Variants in DNAH8 observed in about 807,000 individuals in gnomAD.
DNAH8 encodes dynein axonemal heavy chain 8.
In DNAH8, 382 loss-of-function variants were observed where a neutral mutation model predicts 562.1. The ratio of observed to expected loss-of-function variants is 0.68; its 90% CI spans 0.63 to 0.74. The LOEUF is 0.74. Ranked by LOEUF, DNAH8 falls within the 30% of genes least tolerant of loss-of-function variation. DNAH8 has a pLI of 0.00. For synonymous variants in DNAH8, 1,881 were observed against 1,919.4 expected (o/e 0.98, Z 0.52); for missense variants, 5,203 against 5,620.4 (o/e 0.93, Z 2.37).
At chr6:38,845,031 T>C (rs1040920160) in intron 35 of DNAH8, among the ~76,000 whole-genome samples, 1 of 151,916 alleles carries the variant, frequency 6.6e-6, no homozygotes, top group Non-Finnish European at 1.5e-5. Flanking sequence ...GGGGAAAATA[T>C]GTTACTTTTA....
intron 8 of DNAH8, among the ~76,000 whole-genome samples, chr6:38,747,176 A>G (rs1000421066): frequency 1.8e-4 from 28 of 152,072 alleles, no homozygotes; most frequent in African/African-American, 6.8e-4. Context: ...TAATCCTCAC[A>G]TCAGCTGGAT....
chr6:38,834,228 A>G (rs201343104), intron 31 of DNAH8, among the ~76,000 whole-genome samples: 23 of 152,324 alleles, frequency 1.5e-4, no homozygotes, highest in East Asian at 9.6e-4. Context: ...CACACTCCAT[A>G]TAGAATGTAA....
At chr6:38,789,307 TA>T (rs1769476602) in intron 18 of DNAH8, among the ~76,000 whole-genome samples, 1 of 152,200 alleles carries the variant, frequency 6.6e-6, no homozygotes, top group Admixed American at 6.5e-5. Context: ...CACCACAGTG[TA>T]GTAAATTACA....
chr6:38,816,814 A>G (rs1000745956), intron 26 of DNAH8, among the ~76,000 whole-genome samples: 1 of 151,920 alleles, frequency 6.6e-6, no homozygotes, highest in Non-Finnish European at 1.5e-5. Flanking sequence ...TGTGGTTTTG[A>G]TTTGCATTTC....
intron 17 of DNAH8, among the ~76,000 whole-genome samples, chr6:38,783,866 A>G (rs1216315226): frequency 1.3e-5 from 2 of 152,168 alleles, no homozygotes; most frequent in East Asian, 1.9e-4. Context: ...GTCCCTTGGT[A>G]GAAAGGTTTC....
At chr6:39,029,359 T>C (rs916723073) in intron 92 of DNAH8, among the ~76,000 whole-genome samples, 1 of 152,094 alleles carries the variant, frequency 6.6e-6, no homozygotes, top group Admixed American at 6.5e-5. Flanking sequence ...TCCTGAGCAC[T>C]CCAGCCACAG....
At chr6:38,729,314 A>G (rs974236884) in intron 3 of DNAH8, among the ~76,000 whole-genome samples, 15 of 152,182 alleles carry the variant, frequency 9.9e-5, no homozygotes, top group Non-Finnish European at 2.1e-4. Context: ...ATGACTTTGT[A>G]TTTCCCATAG....
intron 42 of DNAH8, among the ~76,000 whole-genome samples, chr6:38,859,366 G>A (rs986511179): frequency 3.9e-5 from 6 of 152,166 alleles, no homozygotes; most frequent in African/African-American, 1.4e-4. Context: ...TTAACTAGAG[G>A]AGGAAGCAAG....
At chr6:38,957,885 A>AC (rs1255317544) in intron 82 of DNAH8, among the ~76,000 whole-genome samples, 2 of 151,580 alleles carry the variant, frequency 1.3e-5, no homozygotes, top group East Asian at 1.9e-4. Flanking sequence ...AAAAAAAAAA[A>AC]AACAAGATCA....
chr6:38,790,034 A>T, intron 19 of DNAH8, 151 bp downstream of exon 19: 1 of 631,662 alleles, frequency 1.6e-6, no homozygotes, highest in Non-Finnish European at 2.7e-6. Context: ...TTTTCTGCAG[A>T]ATTTCTTGTC....
At chr6:38,914,646 G>A (rs778532146) in intron 67 of DNAH8, among the ~76,000 whole-genome samples, 6 of 151,856 alleles carry the variant, frequency 4.0e-5, no homozygotes, top group East Asian at 1.9e-4. Flanking sequence ...CATGGTGCCC[G>A]GCCTATGTGC....
In DNAH8 at chr6:38,751,314, A is replaced by G. The variant is rs140154562; in HGVS notation, c.1407+725A>G. On this transcript the variant is annotated intron_variant, in intron 9 of 92. Coordinates refer to ENST00000327475, the MANE Select transcript of DNAH8 (RefSeq NM_001206927.2). ...AGAATGAGAGAACACCCAAGTTGGA[A>G]TCTACCTTCTTTTAATAACCTAATC... 3.3e-5 allele frequency among the ~76,000 whole-genome samples: 5 copies of G among 152,316 alleles called. No homozygotes were observed. The East Asian group carries it at 9.6e-4, about 29-fold the overall frequency.
At chr6:38,892,493 T>A (rs1779404862) in intron 58 of DNAH8, among the ~76,000 whole-genome samples, 1 of 152,140 alleles carries the variant, frequency 6.6e-6, no homozygotes, top group African/African-American at 2.4e-5. Context: ...ATTTATGTCT[T>A]CCTCATGGCC....
intron 85 of DNAH8, among the ~76,000 whole-genome samples, chr6:38,976,565 C>A (rs998990494): frequency 6.6e-6 from 1 of 152,170 alleles, no homozygotes; most frequent in Non-Finnish European, 1.5e-5. Flanking sequence ...ATCAACATCA[C>A]TTGGGAGCTT....
At chr6:38,876,178 A>G (rs1777979359) in intron 53 of DNAH8, among the ~76,000 whole-genome samples, 3 of 152,220 alleles carry the variant, frequency 2.0e-5, no homozygotes, top group Admixed American at 1.3e-4. Flanking sequence ...AATACACATA[A>G]CGGATCAGCC....
rs768035095 is a variant in DNAH8 at position 38,734,509 on chromosome 6, G to A, written c.646G>A (p.Ala216Thr). ...AACTATTGCTGGAGCAACTAAAGGG[G>A]CAAAAATGATGAAATTGTATATAGA... Reference protein sequence around the residue: ...GRTIAGATKGAKMMKLYIDNA... With the variant: ...GRTIAGATKGTKMMKLYIDNA... Residue 216 changes from alanine to threonine, a missense_variant, in exon 5 of 93, where the codon GCA (alanine) becomes ACA (threonine). By Grantham distance (58) the Ala-to-Thr change is moderately conservative (BLOSUM62 0). This residue lies in a region of DNAH8 where 556 missense variants were observed against 496.9 expected (regional missense o/e 1.12). Transcript: ENST00000327475. The A allele has an allele frequency of 1.9e-6, 3 of 1,613,650 alleles. No homozygotes were observed. Among genetic ancestry groups the A allele is most frequent in the Non-Finnish European group, 2.5e-6 (3 of 1,179,912 alleles).
chr6:38,865,377 G>T (rs1302110894), intron 45 of DNAH8, among the ~76,000 whole-genome samples: 1 of 152,172 alleles, frequency 6.6e-6, no homozygotes, highest in Non-Finnish European at 1.5e-5. Flanking sequence ...TAAAACTGTG[G>T]TCTAGAATTT....
At chr6:38,886,189 C>T (rs879654288) in intron 56 of DNAH8, among the ~76,000 whole-genome samples, 2 of 151,950 alleles carry the variant, frequency 1.3e-5, no homozygotes, top group Non-Finnish European at 2.9e-5. Flanking sequence ...CCCTGGAGAA[C>T]AGTTACATGT....
In DNAH8 at chr6:38,722,976, C is replaced by G; in HGVS notation, c.167C>G (p.Ser56Cys). The G allele has an allele frequency of 1.2e-6, 2 of 1,612,864 alleles. No individual in the cohort carries two copies. The highest frequency in any genetic ancestry group is 8.5e-7 in the Non-Finnish European group (1 of 1,179,888). ...TCTCCTTCCGCAGAAGATGCTGTTT[C>G]TTCTGTGGTGGATTATCGGGATCTC... ...GFSPSAEDAV[S>C]SVVDYRDLIP... The change falls in exon 2 of 93, where the codon TCT becomes TGT. Residue 56 changes from serine (S) to cysteine (C), a missense_variant. Around this residue, in one of 6 missense-constraint regions of DNAH8, gnomAD observed 556 missense variants for 496.9 expected, o/e 1.12. Coordinates refer to ENST00000327475, the MANE Select transcript of DNAH8 (RefSeq NM_001206927.2).
Sources: gnomAD v4.1 joint callset for allele counts (sites outside exome capture counted in the v4.1 genomes callset) on GRCh38, gnomAD v4.1.1 for gene constraint, gnomAD v4.1.1 regional missense constraint, MANE v1.5 for transcripts, NCBI Gene and HGNC (gene_info 2026-07-23, HGNC 2026-07-21) for gene names.